The following CAMK1D variants were observed in gnomAD, a reference collection of about 807,000 sequenced individuals.
The protein encoded by CAMK1D is calcium/calmodulin dependent protein kinase ID, also known as calcium/calmodulin-dependent protein kinase type 1D.
In CAMK1D, 9 loss-of-function variants were observed where a neutral mutation model predicts 47.7. The observed-to-expected ratio is 0.19, with a 90% CI of 0.11 to 0.33. The LOEUF (loss-of-function observed/expected upper bound fraction) is 0.33, where lower values mean the gene tolerates loss of function less well. Among genes scored for constraint, CAMK1D ranks in the 10% least tolerant of loss-of-function variants. The pLI is 1.00. For missense variants in CAMK1D, 291 were observed against 488.7 expected (o/e 0.60, Z 3.81); for synonymous variants, 184 against 184.9 (o/e 0.99, Z 0.04).
At chr10:12,622,696 A>G (rs1249953083) in intron 2 of CAMK1D, among the ~76,000 whole-genome samples, 6 of 152,100 alleles carry the variant, frequency 3.9e-5, no homozygotes, top group Non-Finnish European at 1.5e-5. Context: ...GGTCTCCCTG[A>G]AAGGAGACAA....
intron 2 of CAMK1D, among the ~76,000 whole-genome samples, chr10:12,642,457 A>G (rs961286840): frequency 6.6e-6 from 1 of 152,182 alleles, no homozygotes; most frequent in Non-Finnish European, 1.5e-5. Context: ...TGAGCAGTGG[A>G]TTGTGTCAGG....
intron 3 of CAMK1D, among the ~76,000 whole-genome samples, chr10:12,713,780 T>C (rs1834020611): frequency 6.6e-6 from 1 of 152,190 alleles, no homozygotes; most frequent in African/African-American, 2.4e-5. Context: ...CTTCAGCTGG[T>C]TTGTCAACAC....
intron 2 of CAMK1D, among the ~76,000 whole-genome samples, chr10:12,630,972 G>T (rs181397597): frequency 6.6e-6 from 1 of 152,222 alleles, no homozygotes; most frequent in East Asian, 1.9e-4. Context: ...ATTATCTTAC[G>T]ACATAAACAC....
intron 1 of CAMK1D, among the ~76,000 whole-genome samples, chr10:12,540,545 G>A (rs1278212754): frequency 6.6e-6 from 1 of 152,232 alleles, no homozygotes; most frequent in South Asian, 2.1e-4. Context: ...AGAAACCAAA[G>A]ATATCACAAG....
At chr10:12,575,494 C>T (rs970214471) in intron 2 of CAMK1D, among the ~76,000 whole-genome samples, 1 of 152,208 alleles carries the variant, frequency 6.6e-6, no homozygotes, top group Non-Finnish European at 1.5e-5. Flanking sequence ...TTGTCTCTCA[C>T]TTTAATTTGG....
rs188345367 is a variant in CAMK1D at position 12,559,138 on chromosome 10, T to G, written c.224+5782T>G. On this transcript the variant is annotated intron_variant, in intron 2 of 10. Transcript: ENST00000619168. ...GCCTGGGCATCATAGTGAGACTCTGTCTCTATAAAACAATTAAAAAACTAG... is the reference window on the plus strand; with the variant it reads ...GCCTGGGCATCATAGTGAGACTCTGGCTCTATAAAACAATTAAAAAACTAG... Among the ~76,000 whole-genome samples the G allele has an allele frequency of 4.2e-3, 643 of 151,990 alleles. 5 individuals are homozygous for G. The Middle Eastern group carries it at 0.048, about 11-fold the overall frequency.
At chr10:12,662,504 C>T (rs192691832) in intron 2 of CAMK1D, among the ~76,000 whole-genome samples, 1 of 152,148 alleles carries the variant, frequency 6.6e-6, no homozygotes. Context: ...TACAAAAAAT[C>T]AGCCGGGCAT....
chr10:12,641,581 T>A (rs1445540819), intron 2 of CAMK1D, among the ~76,000 whole-genome samples: 1 of 150,966 alleles, frequency 6.6e-6, no homozygotes, highest in Non-Finnish European at 1.5e-5. Context: ...GTCTCACCAC[T>A]GCATTCCAGC....
In CAMK1D at chr10:12,829,141, A is replaced by T. The variant is rs1047077592; in HGVS notation, c.*254A>T. ...GTATATACGAATCTTGCAAAGCTCT[A>T]ACTGAACGGACCTTCTTATTCCTCT... On this transcript the variant is annotated 3_prime_UTR_variant, in exon 11 of 11. Transcript: ENST00000619168. 8 of 403,194 alleles carry T rather than the reference A, an allele frequency of 2.0e-5. No homozygotes were observed. The Admixed American group carries it at 2.3e-4, about 11-fold the overall frequency. The allele number at this position is 403,194 out of a possible 1,614,324, so 25.0% of individuals were successfully genotyped here. A position where few individuals can be genotyped will look rare whatever the true frequency, so the allele number is the denominator to read the frequency against.
intron 1 of CAMK1D, among the ~76,000 whole-genome samples, chr10:12,400,321 G>A (rs933097022): frequency 1.1e-4 from 17 of 152,312 alleles, no homozygotes; most frequent in African/African-American, 3.4e-4. Flanking sequence ...TGCCTTTGCC[G>A]TTTAAACTTC....
At chr10:12,434,415 C>T (rs1832570481) in intron 1 of CAMK1D, among the ~76,000 whole-genome samples, 1 of 152,110 alleles carries the variant, frequency 6.6e-6, no homozygotes, top group South Asian at 2.1e-4. Context: ...GAGCCTTGAT[C>T]ATGGATGCCC....
intron 2 of CAMK1D, among the ~76,000 whole-genome samples, chr10:12,621,238 T>G (rs1223142651): frequency 7.7e-6 from 1 of 129,216 alleles, no homozygotes; most frequent in Non-Finnish European, 1.9e-5. Context: ...CTGTTGTTTT[T>G]CAGAGTTGTT....
intron 2 of CAMK1D, among the ~76,000 whole-genome samples, chr10:12,554,077 A>G (rs930738227): frequency 5.9e-5 from 9 of 151,554 alleles, no homozygotes; most frequent in African/African-American, 2.2e-4. Flanking sequence ...TGTGTGTAAT[A>G]GAAATAAAAT....
intron 3 of CAMK1D, among the ~76,000 whole-genome samples, chr10:12,744,879 C>T (rs1412491270): frequency 6.6e-6 from 1 of 152,136 alleles, no homozygotes; most frequent in Non-Finnish European, 1.5e-5. Flanking sequence ...CCAGCCTGGG[C>T]AACACAGCAA....
intron 1 of CAMK1D, among the ~76,000 whole-genome samples, chr10:12,408,826 T>C (rs551968611): frequency 2.5e-4 from 38 of 150,076 alleles, no homozygotes; most frequent in Admixed American, 1.2e-3. Context: ...TTTATGGTTT[T>C]CGTTCATTTC....
chr10:12,787,646 C>T (rs1334702391), intron 5 of CAMK1D, among the ~76,000 whole-genome samples: 1 of 152,204 alleles, frequency 6.6e-6, no homozygotes, highest in Non-Finnish European at 1.5e-5. Flanking sequence ...GCTCCTTTCT[C>T]GTGTATCTGT....
chr10:12,584,483 G>A (rs922607437), intron 2 of CAMK1D, among the ~76,000 whole-genome samples: 7 of 152,218 alleles, frequency 4.6e-5, no homozygotes, highest in African/African-American at 1.7e-4. Flanking sequence ...CAAAGAGGTG[G>A]GTATCAAGGA....
At chr10:12,388,204 T>A (rs770270295) in intron 1 of CAMK1D, among the ~76,000 whole-genome samples, 2 of 152,112 alleles carry the variant, frequency 1.3e-5, no homozygotes, top group Non-Finnish European at 2.9e-5. Flanking sequence ...TTTTTGCGTT[T>A]TTAGTAGAGA....
chr10:12,438,496 G>A (rs1040013969), intron 1 of CAMK1D, among the ~76,000 whole-genome samples: 6 of 152,140 alleles, frequency 3.9e-5, no homozygotes, highest in Non-Finnish European at 7.3e-5. Context: ...GAAGCACTGG[G>A]TGTTCCATCA....
Sources: gnomAD v4.1 joint callset for allele counts (sites outside exome capture counted in the v4.1 genomes callset) on GRCh38, gnomAD v4.1.1 for gene constraint, MANE v1.5 for transcripts, NCBI Gene and HGNC (gene_info 2026-07-23, HGNC 2026-07-21) for gene names.